Variants in CHD6 observed in about 807,000 individuals in gnomAD.
The protein encoded by CHD6 is chromodomain helicase DNA binding protein 6.
CHD6 carries 50 observed loss-of-function variants against 276.9 expected under a neutral mutation model. The ratio of observed to expected loss-of-function variants is 0.18; its 90% CI spans 0.14 to 0.23. The LOEUF is 0.23. Among genes scored for constraint, CHD6 ranks in the 10% least tolerant of loss-of-function variants. The pLI is 1.00. For missense variants in CHD6, 2,564 were observed against 3,365.8 expected, an observed-to-expected ratio of 0.76 and a Z score of 5.89; for synonymous variants, 1,173 against 1,229.3, an observed-to-expected ratio of 0.95 and a Z score of 0.96.
intron 1 of CHD6, among the ~76,000 whole-genome samples, chr20:41,600,541 G>T (rs1231436894): frequency 6.6e-6 from 1 of 151,998 alleles, no homozygotes; most frequent in Non-Finnish European, 1.5e-5. Flanking sequence ...ATATCTAAAA[G>T]AATAATCAAG....
chr20:41,613,306 A>T (rs146375089), intron 1 of CHD6, among the ~76,000 whole-genome samples: 1 of 152,264 alleles, frequency 6.6e-6, no homozygotes, highest in African/African-American at 2.4e-5. Context: ...ATGAAGCAAT[A>T]GCAGAATTAG....
At chr20:41,558,164 T>A (rs2045260819) in intron 1 of CHD6, among the ~76,000 whole-genome samples, 1 of 152,086 alleles carries the variant, frequency 6.6e-6, no homozygotes, top group African/African-American at 2.4e-5. Flanking sequence ...CTTACTACCC[T>A]CCACGCCCAC....
chr20:41,575,866 A>G (rs2045469067), intron 1 of CHD6, among the ~76,000 whole-genome samples: 1 of 152,206 alleles, frequency 6.6e-6, no homozygotes. Context: ...TGAAGCCAAA[A>G]TAAAAAAAAT....
chr20:41,430,128 C>T (rs909223319), intron 27 of CHD6, among the ~76,000 whole-genome samples: 1 of 152,204 alleles, frequency 6.6e-6, no homozygotes, highest in African/African-American at 2.4e-5. Flanking sequence ...CCGGCCATCC[C>T]TCTATGTGTG....
chr20:41,432,132 C>G (rs1257672737), intron 27 of CHD6, among the ~76,000 whole-genome samples: 1 of 140,534 alleles, frequency 7.1e-6, no homozygotes, highest in African/African-American at 2.8e-5. Context: ...TGCACTCCAA[C>G]CTGGGCAGCA....
At position 41,470,750 on chromosome 20, in the gene CHD6, A is replaced by G. The variant is rs557810675; in HGVS notation, c.2664+2572T>C. Reference sequence around the variant, plus strand: ...CACCTCAGATGACTTTGCCTTCTCCACTAGGTTTGACTATTCACGTTCTTG... The same window carrying G: ...CACCTCAGATGACTTTGCCTTCTCCGCTAGGTTTGACTATTCACGTTCTTG... On this transcript the variant is annotated intron_variant, in intron 17 of 36. Transcript: ENST00000373233. Among the ~76,000 whole-genome samples the G allele has an allele frequency of 1.2e-3, 182 of 152,320 alleles. 1 individual carries two copies. Among genetic ancestry groups the G allele is most frequent in the South Asian group, 6.0e-3 (29 of 4,820 alleles).
At chr20:41,415,071 A>G in intron 34 of CHD6, 115 bp downstream of exon 34, 1 of 1,484,446 alleles carries the variant, frequency 6.7e-7, no homozygotes, top group Non-Finnish European at 9.0e-7. Context: ...AAAATAAAGC[A>G]GGACAACCGA....
intron 1 of CHD6, among the ~76,000 whole-genome samples, chr20:41,615,796 G>C (rs180945610): frequency 6.6e-6 from 1 of 152,198 alleles, no homozygotes; most frequent in Admixed American, 6.5e-5. Flanking sequence ...CCTACAGGGA[G>C]AATCAAGCCT....
intron 1 of CHD6, among the ~76,000 whole-genome samples, chr20:41,560,462 C>G (rs2045290126): frequency 6.6e-6 from 1 of 152,198 alleles, no homozygotes; most frequent in Non-Finnish European, 1.5e-5. Flanking sequence ...CCTGACCTGC[C>G]TAAATCTCAT....
At chr20:41,442,370 T>C (rs1381827436) in intron 25 of CHD6, among the ~76,000 whole-genome samples, 1 of 152,174 alleles carries the variant, frequency 6.6e-6, no homozygotes, top group Admixed American at 6.5e-5. Flanking sequence ...ACAGATCACC[T>C]GAACCTGGGA....
rs1367523724 is a variant in CHD6 at position 41,421,782 on chromosome 20, T to C, written c.4853A>G (p.His1618Arg). Residue 1618 changes from histidine (H) to arginine (R), a missense_variant, in exon 31 of 37, where the codon CAT becomes CGT. Physicochemically the swap from His to Arg is conservative, Grantham distance 29. Transcript: ENST00000373233. ...FLDAYRNYAQ[H>R]KRSGTQAPGN... ...TGGTGCCTGGGTGCCAGATCTTTTA[T>C]GCTGGGCATAGTTTCTATAGGCATC... 4.3e-6 allele frequency: 7 copies of C among 1,614,122 alleles called. No individual in the cohort carries two copies. The Admixed American group carries it at 5.0e-5, about 12-fold the overall frequency.
At chr20:41,479,683 A>G (rs1196240440) in intron 16 of CHD6, among the ~76,000 whole-genome samples, 2 of 152,200 alleles carry the variant, frequency 1.3e-5, no homozygotes, top group African/African-American at 4.8e-5. Context: ...GTACTTGTGA[A>G]ATAACCAGTG....
At chr20:41,414,060 T>C (rs1048954793) in intron 34 of CHD6, 2 of 152,224 alleles carry the variant, frequency 1.3e-5, no homozygotes, top group African/African-American at 2.4e-5. Flanking sequence ...GGTCATTCCA[T>C]TGGAATTCTA....
Position 41,423,476 on chromosome 20 carries a change from C to T in CHD6, c.4555+16G>A. Reference sequence around the variant, plus strand: ...TTTCCTTGTATCATCTGACAATATACTGATAGTTTTCTCACCGCCATCTTT... The same window carrying T: ...TTTCCTTGTATCATCTGACAATATATTGATAGTTTTCTCACCGCCATCTTT... On this transcript the variant is annotated intron_variant, in intron 30 of 36. Transcript: ENST00000373233. 6.2e-7 allele frequency: 1 copy of T among 1,607,572 alleles called. No homozygotes were observed. The highest frequency in any genetic ancestry group is 8.5e-7 in the Non-Finnish European group (1 of 1,174,004).
At chr20:41,448,592 T>C (rs1481923616) in intron 23 of CHD6, among the ~76,000 whole-genome samples, 1 of 152,178 alleles carries the variant, frequency 6.6e-6, no homozygotes, top group Non-Finnish European at 1.5e-5. Flanking sequence ...AGTAATGCCT[T>C]TCGCCATCGG....
chr20:41,415,904 T>C (rs192274752), intron 33 of CHD6, among the ~76,000 whole-genome samples: 8 of 152,300 alleles, frequency 5.3e-5, no homozygotes, highest in Admixed American at 3.9e-4. Context: ...TGAACTACAT[T>C]TGGTGTTGCA....
intron 1 of CHD6, among the ~76,000 whole-genome samples, chr20:41,606,338 C>T (rs980202906): frequency 1.3e-5 from 2 of 152,114 alleles, no homozygotes; most frequent in African/African-American, 2.4e-5. Flanking sequence ...GGTGAAACCC[C>T]GTCTCTACTA....
At chr20:41,430,727 G>C (rs75366363) in intron 27 of CHD6, among the ~76,000 whole-genome samples, 1 of 152,050 alleles carries the variant, frequency 6.6e-6, no homozygotes, top group East Asian at 1.9e-4. Flanking sequence ...AAAGAGTCAA[G>C]TTCCATATGA....
At chr20:41,517,175 G>A (rs2044272696) in intron 3 of CHD6, among the ~76,000 whole-genome samples, 2 of 152,100 alleles carry the variant, frequency 1.3e-5, no homozygotes, top group Admixed American at 6.6e-5. Flanking sequence ...AACTAACACA[G>A]GAACAGAAAA....
Sources: gnomAD v4.1 joint callset for allele counts (sites outside exome capture counted in the v4.1 genomes callset) on GRCh38, gnomAD v4.1.1 for gene constraint, MANE v1.5 for transcripts, NCBI Gene and HGNC (gene_info 2026-07-23, HGNC 2026-07-21) for gene names.